Variants in SRGAP2C observed in about 807,000 individuals in gnomAD.
SRGAP2C encodes SLIT-ROBO Rho GTPase activating protein 2C.
A neutral mutation model predicts 25.1 loss-of-function variants in SRGAP2C; 15 were observed. That is an observed-to-expected ratio of 0.60 (90% CI 0.40 to 0.92). The LOEUF is 0.92. SRGAP2C is among the 40% of genes least tolerant of loss of function. The pLI, the probability that SRGAP2C is intolerant of heterozygous loss-of-function variation, is 0.00. For synonymous variants in SRGAP2C, 44 were observed against 96.6 expected, an observed-to-expected ratio of 0.46 and a Z score of 3.19; for missense variants, 144 against 264.4, an observed-to-expected ratio of 0.54 and a Z score of 3.16.
intron 2 of SRGAP2C, among the ~76,000 whole-genome samples, chr1:121,191,392 G>A (rs1372278060): frequency 6.0e-5 from 9 of 149,598 alleles, no homozygotes; most frequent in Non-Finnish European, 1.2e-4. Context: ...TTTAAAATTT[G>A]TATTATTTTA....
At chr1:121,353,085 A>C (rs2790288) in intron 4 of SRGAP2C, among the ~76,000 whole-genome samples, 7 of 151,286 alleles carry the variant, frequency 4.6e-5, no homozygotes, top group Admixed American at 2.6e-4. Context: ...GTGAGACTCC[A>C]TCTCCAAAAA....
chr1:121,198,289 TTTTTG>T (rs1298290214), intron 2 of SRGAP2C, among the ~76,000 whole-genome samples: 5 of 151,624 alleles, frequency 3.3e-5, no homozygotes, highest in Admixed American at 2.0e-4. Flanking sequence ...TTGTTTTTTT[TTTTTG>T]TTTGTTTGTT....
chr1:121,323,647 A>G (rs1658258415), intron 3 of SRGAP2C, among the ~76,000 whole-genome samples: 1 of 132,246 alleles, frequency 7.6e-6, no homozygotes, highest in Non-Finnish European at 1.6e-5. Flanking sequence ...AAAGGGAATG[A>G]GCACCTTGGT....
At chr1:121,202,207 C>G (rs1362815163) in intron 2 of SRGAP2C, among the ~76,000 whole-genome samples, 1 of 152,060 alleles carries the variant, frequency 6.6e-6, no homozygotes, top group Admixed American at 6.5e-5. Flanking sequence ...TGTGGCCACA[C>G]CCTCTATACA....
At chr1:121,354,293 T>C (rs1299279637) in intron 4 of SRGAP2C, among the ~76,000 whole-genome samples, 1 of 68,022 alleles carries the variant, frequency 1.5e-5, no homozygotes, top group Non-Finnish European at 2.8e-5. Context: ...TTTCTTTCTT[T>C]CTTTCTTTCT....
At chr1:121,313,991 A>C (rs1460221621) in intron 3 of SRGAP2C, among the ~76,000 whole-genome samples, 2 of 138,820 alleles carry the variant, frequency 1.4e-5, no homozygotes, top group Non-Finnish European at 3.1e-5. Context: ...AGATTGGGGA[A>C]GTTCTCCTGG....
chr1:121,230,628 C>T (rs1434891599), intron 2 of SRGAP2C, among the ~76,000 whole-genome samples: 8 of 149,888 alleles, frequency 5.3e-5, no homozygotes, highest in African/African-American at 2.0e-4. Flanking sequence ...CCCATAGTGT[C>T]TGCATGGCTC....
intron 5 of SRGAP2C, among the ~76,000 whole-genome samples, chr1:121,372,236 G>A (rs1659512259): frequency 6.6e-6 from 1 of 152,142 alleles, no homozygotes; most frequent in African/African-American, 2.4e-5. Flanking sequence ...GCCTCTAGCT[G>A]ATCGTAGGGC....
chr1:121,261,094 A>ATTTTTTTTTTTTTTTTTT (rs1211026484), intron 2 of SRGAP2C, among the ~76,000 whole-genome samples: 5 of 26,264 alleles, frequency 1.9e-4, no homozygotes, highest in African/African-American at 3.1e-4. Context: ...ACACCTGGCT[A>ATTTTTTTTTTTTTTTTTT]TTTTTTTTTT....
At chr1:121,296,338 T>C (rs1357713415) in intron 3 of SRGAP2C, among the ~76,000 whole-genome samples, 1 of 147,822 alleles carries the variant, frequency 6.8e-6, no homozygotes, top group African/African-American at 2.5e-5. Context: ...AAGGGGAAAC[T>C]TCCTTTGTAT....
At chr1:121,343,231 A>G (rs1159058377) in intron 4 of SRGAP2C, among the ~76,000 whole-genome samples, 5 of 151,806 alleles carry the variant, frequency 3.3e-5, no homozygotes, top group African/African-American at 1.2e-4. Context: ...GAAACACAAG[A>G]TGAGGTTTTC....
rs1167340445 is a variant in SRGAP2C, at chr1:121,374,836, A to T, written c.713A>T (p.Lys238Met). 5 of 771,786 alleles carry T rather than the reference A, an allele frequency of 6.5e-6. No individual in the cohort carries two copies. In the African/African-American group the frequency reaches 6.8e-5, roughly 10 times the overall value. 47.8% of individuals were successfully genotyped at this position (771,786 alleles called of 1,614,324 possible). ...CTGTTTCCTTTTCAGCACCAAGCCA[A>T]GTACACGGAGAATAAGCTGAAGGCC... ...IEKMKEKHQA[K>M]YTENKLKAIK... The change falls in exon 7 of 10, where the codon AAG (lysine) becomes ATG (methionine). Residue 238 changes from lysine (K) to methionine (M), a missense_variant. Lys to Met is a moderately conservative substitution (Grantham distance 95). Coordinates refer to ENST00000367123, the MANE Select transcript of SRGAP2C (RefSeq NM_001329984.2).
intron 4 of SRGAP2C, among the ~76,000 whole-genome samples, chr1:121,348,024 C>G (rs1156247569): frequency 8.2e-6 from 1 of 121,898 alleles, no homozygotes; most frequent in East Asian, 2.6e-4. Context: ...GTGTTTGAAC[C>G]TTTGCTCTGC....
chr1:121,249,578 ATATTTTTTTT>A (rs1290311787), intron 2 of SRGAP2C, among the ~76,000 whole-genome samples: 16 of 23,126 alleles, frequency 6.9e-4, no homozygotes, highest in African/African-American at 3.4e-3. Flanking sequence ...ATATATATAT[ATATTTTTTTT>A]TTTTTTTTTT....
chr1:121,216,067 AGTGGGCTTCCT>A (rs1655375824), intron 2 of SRGAP2C, among the ~76,000 whole-genome samples: 1 of 152,066 alleles, frequency 6.6e-6, no homozygotes, highest in African/African-American at 2.4e-5. Context: ...CTTAGAAAAC[AGTGGGCTTCCT>A]GTGTTTTGTC....
At chr1:121,279,576 G>T (rs1657195430) in intron 2 of SRGAP2C, among the ~76,000 whole-genome samples, 1 of 151,576 alleles carries the variant, frequency 6.6e-6, no homozygotes, top group Non-Finnish European at 1.5e-5. Flanking sequence ...TGCTTATTGA[G>T]ACCCTTCAGC....
rs2439093 is a variant in SRGAP2C, at chr1:121,390,856, T to C, written c.*3001T>C. 5 of 145,038 alleles carry C rather than the reference T, an allele frequency of 3.4e-5. No individual in the cohort carries two copies. Among genetic ancestry groups the C allele is most frequent in the East Asian group, 2.1e-4 (1 of 4,746 alleles). The allele number at this position is 145,038 out of a possible 1,614,324, so 9.0% of individuals were successfully genotyped here. ...AGGAGTTCAAGACCAGCCTGGACAA[T>C]GTGGTGAAACCCTGTCTCTACTAAA... On this transcript the variant is annotated 3_prime_UTR_variant, in exon 10 of 10. Coordinates refer to ENST00000367123, the MANE Select transcript of SRGAP2C (RefSeq NM_001329984.2).
chr1:121,257,413 C>A (rs1372942903), intron 2 of SRGAP2C, among the ~76,000 whole-genome samples: 1 of 140,944 alleles, frequency 7.1e-6, no homozygotes, highest in East Asian at 2.2e-4. Context: ...CATGCCAGGC[C>A]CCATTGCCTT....
At chr1:121,340,371 G>C (rs1199549073) in intron 4 of SRGAP2C, among the ~76,000 whole-genome samples, 2 of 151,278 alleles carry the variant, frequency 1.3e-5, no homozygotes, top group African/African-American at 2.4e-5. Flanking sequence ...TTCAGGGACT[G>C]AAGGAAAAAA....
Sources: gnomAD v4.1 joint callset for allele counts (sites outside exome capture counted in the v4.1 genomes callset) on GRCh38, gnomAD v4.1.1 for gene constraint, MANE v1.5 for transcripts, NCBI Gene and HGNC (gene_info 2026-07-23, HGNC 2026-07-21) for gene names.